Variants in DCC observed in about 807,000 individuals in gnomAD.
DCC encodes the protein DCC netrin 1 receptor.
In DCC, 58 loss-of-function variants were observed where a neutral mutation model predicts 172.5. That is an observed-to-expected ratio of 0.34 (90% CI 0.27 to 0.42). DCC has a LOEUF of 0.42. DCC is among the 10% of genes least tolerant of loss of function. The pLI, the probability that DCC is intolerant of heterozygous loss-of-function variation, is 1.00. For missense variants in DCC, 1,740 were observed against 1,791.0 expected (o/e 0.97, Z 0.51); for synonymous variants, 709 against 644.5 (o/e 1.10, Z -1.52).
chr18:52,775,753 G>A (rs1193882795), intron 2 of DCC, among the ~76,000 whole-genome samples: 1 of 152,192 alleles, frequency 6.6e-6, no homozygotes, highest in Non-Finnish European at 1.5e-5. Flanking sequence ...ACGTCTGGCC[G>A]CCTGTGTGTC....
chr18:53,183,384 T>C (rs1444822409), intron 9 of DCC, among the ~76,000 whole-genome samples: 1 of 152,186 alleles, frequency 6.6e-6, no homozygotes, highest in Non-Finnish European at 1.5e-5. Flanking sequence ...CTTTATGGTA[T>C]GTAATTTCTC....
At chr18:53,440,349 TAA>T (rs920670417) in intron 22 of DCC, among the ~76,000 whole-genome samples, 1 of 151,976 alleles carries the variant, frequency 6.6e-6, no homozygotes, top group Non-Finnish European at 1.5e-5. Context: ...CCTTTAAAGA[TAA>T]AGTTAAACTT....
intron 2 of DCC, among the ~76,000 whole-genome samples, chr18:52,795,516 G>T (rs764264949): frequency 1.3e-5 from 2 of 151,778 alleles, no homozygotes; most frequent in African/African-American, 4.8e-5. Flanking sequence ...GGTTAATCTA[G>T]CTAGCAGTTT....
chr18:53,245,127 T>G (rs1236508340), intron 12 of DCC, among the ~76,000 whole-genome samples: 1 of 152,090 alleles, frequency 6.6e-6, no homozygotes, highest in African/African-American at 2.4e-5. Flanking sequence ...AGAAGAAATC[T>G]AAGAATTCAC....
intron 1 of DCC, among the ~76,000 whole-genome samples, chr18:52,726,498 G>C (rs1208227060): frequency 6.6e-6 from 1 of 152,004 alleles, no homozygotes; most frequent in East Asian, 1.9e-4. Flanking sequence ...CCACCTGCCT[G>C]GTCTCACAAT....
At chr18:53,113,796 A>G (rs2043371454) in intron 7 of DCC, among the ~76,000 whole-genome samples, 1 of 151,410 alleles carries the variant, frequency 6.6e-6, no homozygotes, top group South Asian at 2.1e-4. Flanking sequence ...ACTCAATCCC[A>G]TTAAATAGCC....
chr18:53,251,023 C>T (rs1468126336), intron 12 of DCC, among the ~76,000 whole-genome samples: 4 of 151,962 alleles, frequency 2.6e-5, no homozygotes, highest in East Asian at 3.9e-4. Flanking sequence ...TTGTCCTTCT[C>T]TCCATCTGTC....
chr18:53,351,432 ATATATACAGTG>A (rs1360401002), intron 15 of DCC, among the ~76,000 whole-genome samples: 9 of 75,288 alleles, frequency 1.2e-4, no homozygotes, highest in African/African-American at 3.7e-4. Context: ...CTGTGTATAT[ATATATACAGTG>A]TATATATATA....
chr18:52,999,229 C>T (rs567520791), intron 5 of DCC, among the ~76,000 whole-genome samples: 1 of 151,624 alleles, frequency 6.6e-6, no homozygotes, highest in Admixed American at 6.6e-5. Context: ...ATCTTTGTGT[C>T]CAAAGACAGC....
chr18:53,361,472 G>A (rs1464495348), intron 15 of DCC, among the ~76,000 whole-genome samples: 5 of 152,104 alleles, frequency 3.3e-5, no homozygotes, highest in South Asian at 2.1e-4. Flanking sequence ...CAACACTATT[G>A]GAGAAAGAAA....
chr18:53,165,995 G>A (rs902997821), intron 8 of DCC, among the ~76,000 whole-genome samples: 2 of 152,176 alleles, frequency 1.3e-5, no homozygotes, highest in Non-Finnish European at 2.9e-5. Context: ...AGGTCAGCCA[G>A]GTGGGTGCCA....
At chr18:52,881,473 C>A (rs2039485202) in intron 2 of DCC, among the ~76,000 whole-genome samples, 1 of 152,140 alleles carries the variant, frequency 6.6e-6, no homozygotes, top group Non-Finnish European at 1.5e-5. Context: ...GTAGTAGTTT[C>A]ATAGATTGAA....
intron 5 of DCC, among the ~76,000 whole-genome samples, chr18:52,928,247 C>T (rs554785647): frequency 5.3e-5 from 8 of 152,092 alleles, no homozygotes; most frequent in Non-Finnish European, 8.8e-5. Context: ...TCCTTAGGTA[C>T]TTGATGTTTA....
intron 15 of DCC, among the ~76,000 whole-genome samples, chr18:53,356,321 G>C (rs955882791): frequency 6.6e-6 from 1 of 151,756 alleles, no homozygotes; most frequent in Non-Finnish European, 1.5e-5. Context: ...CTCATTTCCA[G>C]GTCTGTTTCT....
chr18:52,411,453 G>T (rs1000362098), intron 1 of DCC, among the ~76,000 whole-genome samples: 4 of 152,102 alleles, frequency 2.6e-5, no homozygotes, highest in African/African-American at 9.7e-5. Flanking sequence ...GTGCTCTCTG[G>T]ACCCAAAAGT....
At chr18:52,375,875 T>C (rs963137493) in intron 1 of DCC, among the ~76,000 whole-genome samples, 7 of 152,210 alleles carry the variant, frequency 4.6e-5, no homozygotes, top group Admixed American at 1.3e-4. Flanking sequence ...AAAAGTTTTA[T>C]GCTATCAGGA....
intron 2 of DCC, among the ~76,000 whole-genome samples, chr18:52,822,581 C>G (rs535536619): frequency 2.6e-5 from 4 of 152,138 alleles, no homozygotes; most frequent in Admixed American, 6.5e-5. Context: ...TCCCCCTAAA[C>G]AAAAAGGAAA....
At chr18:52,896,578 A>G (rs1261097603) in intron 2 of DCC, among the ~76,000 whole-genome samples, 1 of 152,246 alleles carries the variant, frequency 6.6e-6, no homozygotes, top group African/African-American at 2.4e-5. Context: ...ACACCATGTG[A>G]GTTTGAGGAA....
intron 1 of DCC, among the ~76,000 whole-genome samples, chr18:52,628,962 G>A (rs1568263392): frequency 6.6e-6 from 1 of 152,174 alleles, no homozygotes; most frequent in Non-Finnish European, 1.5e-5. Flanking sequence ...TGCTGGGAAA[G>A]GATTTGTTAC....
Sources: gnomAD v4.1 joint callset for allele counts (sites outside exome capture counted in the v4.1 genomes callset) on GRCh38, gnomAD v4.1.1 for gene constraint, MANE v1.5 for transcripts, NCBI Gene and HGNC (gene_info 2026-07-23, HGNC 2026-07-21) for gene names.